Variants in ROCK1 observed in about 807,000 individuals in gnomAD.
ROCK1 encodes Rho associated coiled-coil containing protein kinase 1.
Under a neutral mutation model 196.8 loss-of-function variants are expected in ROCK1, and 36 were observed. That is an observed-to-expected ratio of 0.18 (90% CI 0.14 to 0.24). The LOEUF (loss-of-function observed/expected upper bound fraction) is 0.24, where lower values mean the gene tolerates loss of function less well. Among genes scored for constraint, ROCK1 ranks in the 10% least tolerant of loss-of-function variants. ROCK1 has a pLI of 1.00. For synonymous variants in ROCK1, 443 were observed against 515.9 expected (o/e 0.86, Z 1.91); for missense variants, 920 against 1,562.0 (o/e 0.59, Z 6.93).
chr18:20,978,507 C>A (rs1358568475), intron 22 of ROCK1, among the ~76,000 whole-genome samples: 2 of 152,160 alleles, frequency 1.3e-5, no homozygotes, highest in Non-Finnish European at 2.9e-5. Flanking sequence ...TGAAATACGA[C>A]TAGTACATCT....
intron 2 of ROCK1, among the ~76,000 whole-genome samples, chr18:21,052,489 T>C (rs1424584705): frequency 1.3e-5 from 2 of 152,144 alleles, no homozygotes; most frequent in South Asian, 2.1e-4. Flanking sequence ...TATGGCTCCA[T>C]TGAGACAGAA....
intron 1 of ROCK1, among the ~76,000 whole-genome samples, chr18:21,086,498 A>G (rs1392400471): frequency 6.6e-6 from 1 of 152,218 alleles, no homozygotes; most frequent in Non-Finnish European, 1.5e-5. Context: ...TGATCATGGA[A>G]AAGAAAATGA....
At chr18:20,971,202 A>G (rs557902935) in intron 22 of ROCK1, among the ~76,000 whole-genome samples, 66 of 152,080 alleles carry the variant, frequency 4.3e-4, no homozygotes, top group Admixed American at 1.5e-3. Flanking sequence ...TAGGTGCTCA[A>G]TAAATATGTT....
At chr18:21,073,130 G>A (rs1461839876) in intron 1 of ROCK1, among the ~76,000 whole-genome samples, 2 of 131,768 alleles carry the variant, frequency 1.5e-5, no homozygotes, top group Admixed American at 7.8e-5. Flanking sequence ...TGTAACAGAG[G>A]GGCCAATCAA....
chr18:21,050,700 T>G (rs1456048134), intron 2 of ROCK1, among the ~76,000 whole-genome samples: 2 of 152,188 alleles, frequency 1.3e-5, no homozygotes, highest in African/African-American at 4.8e-5. Context: ...TGTTTTCCTT[T>G]TCAAATGCAT....
intron 1 of ROCK1, among the ~76,000 whole-genome samples, chr18:21,097,144 G>T (rs2036619614): frequency 6.6e-6 from 1 of 152,144 alleles, no homozygotes; most frequent in African/African-American, 2.4e-5. Context: ...GGGAAATGCT[G>T]GGAATAAAGA....
chr18:21,072,781 G>A (rs1283870647), intron 1 of ROCK1, among the ~76,000 whole-genome samples: 1 of 151,988 alleles, frequency 6.6e-6, no homozygotes, highest in Non-Finnish European at 1.5e-5. Flanking sequence ...ATTTAAAAAT[G>A]TAGAGGAGGC....
intron 23 of ROCK1, among the ~76,000 whole-genome samples, chr18:20,969,628 T>C (rs1285813459): frequency 1.3e-5 from 2 of 152,308 alleles, no homozygotes; most frequent in East Asian, 3.8e-4. Flanking sequence ...TTTAGTAATA[T>C]ATAATCATTA....
chr18:21,000,272 T>C (rs1173659735), intron 16 of ROCK1, among the ~76,000 whole-genome samples: 3 of 152,134 alleles, frequency 2.0e-5, no homozygotes, highest in Non-Finnish European at 4.4e-5. Flanking sequence ...TTTTCTTTTT[T>C]TTTTTTGGAG....
In ROCK1 at chr18:20,948,273, T is replaced by C. The variant is rs892351261; in HGVS notation, c.*3111A>G. On this transcript the variant is annotated 3_prime_UTR_variant, in exon 33 of 33. Transcript: ENST00000399799. ...GGCAAGGACACAGAAATAACACCAA[T>C]GGATTGTTCACCTGAATTACGATGC... The C allele has an allele frequency of 4.6e-5, 7 of 152,122 alleles. No homozygotes were observed. The highest frequency in any genetic ancestry group is 1.5e-4 in the African/African-American group (6 of 41,370). 9.4% of individuals were successfully genotyped at this position (152,122 alleles called of 1,614,324 possible).
intron 22 of ROCK1, among the ~76,000 whole-genome samples, chr18:20,974,508 T>G (rs2035460816): frequency 6.6e-6 from 1 of 152,186 alleles, no homozygotes; most frequent in Non-Finnish European, 1.5e-5. Context: ...TATCCCTGGT[T>G]ATGCTACTGT....
At chr18:20,972,920 C>T (rs886784011) in intron 22 of ROCK1, among the ~76,000 whole-genome samples, 1 of 152,234 alleles carries the variant, frequency 6.6e-6, no homozygotes, top group African/African-American at 2.4e-5. Flanking sequence ...GCTCTTGTTG[C>T]CCAGGCTGGA....
At chr18:21,076,986 A>G (rs1598554278) in intron 1 of ROCK1, among the ~76,000 whole-genome samples, 1 of 53,522 alleles carries the variant, frequency 1.9e-5, no homozygotes, top group Non-Finnish European at 3.4e-5. Flanking sequence ...TTTTTTTTTG[A>G]GACGGAGTCT....
intron 2 of ROCK1, among the ~76,000 whole-genome samples, chr18:21,053,278 CTT>C (rs529133107): frequency 1.4e-5 from 2 of 142,428 alleles, no homozygotes; most frequent in Admixed American, 7.0e-5. Context: ...ATTGCAGCCT[CTT>C]TTTTTTTTTT....
intron 29 of ROCK1, among the ~76,000 whole-genome samples, chr18:20,959,157 T>TATATTATATAAAATA (rs2035298580): frequency 1.4e-5 from 1 of 69,432 alleles, no homozygotes; most frequent in African/African-American, 7.2e-5. Flanking sequence ...AATATATATA[T>TATATTATATAAAATA]TATATATTAT....
intron 1 of ROCK1, among the ~76,000 whole-genome samples, chr18:21,077,220 G>A (rs8086115): frequency 0.16 from 23,785 of 151,588 alleles, 3,778 homozygotes; most frequent in African/African-American, 0.4. Flanking sequence ...TGATCCACCC[G>A]CCTCGGCCTC....
chr18:21,051,630 G>C (rs1223848892), intron 2 of ROCK1, among the ~76,000 whole-genome samples: 2 of 152,176 alleles, frequency 1.3e-5, no homozygotes, highest in African/African-American at 4.8e-5. Context: ...TCAGCCAGTA[G>C]TTACAGTAAT....
chr18:20,988,819 A>T (rs981802966), intron 18 of ROCK1, among the ~76,000 whole-genome samples: 11 of 151,178 alleles, frequency 7.3e-5, no homozygotes, highest in South Asian at 2.1e-4. Flanking sequence ...ATGTATTATT[A>T]TTTTTTTTTG....
At chr18:21,026,445 GAAAAAAA>G (rs747563785) in intron 10 of ROCK1, among the ~76,000 whole-genome samples, 56 of 35,310 alleles carry the variant, frequency 1.6e-3, no homozygotes, top group South Asian at 2.6e-3. Context: ...ACTCTGTCTC[GAAAAAAA>G]AAAAAAAAAA....
Sources: allele counts gnomAD v4.1 joint callset (sites outside exome capture counted in the v4.1 genomes callset), GRCh38; gene constraint gnomAD v4.1.1; transcripts MANE v1.5; gene names NCBI Gene and HGNC (gene_info 2026-07-23, HGNC 2026-07-21).